The following COL23A1 variants were observed in gnomAD, a reference collection of about 807,000 sequenced individuals.
COL23A1 encodes collagen type XXIII alpha 1 chain.
COL23A1 carries 97 observed loss-of-function variants against 99.3 expected under a neutral mutation model. The ratio of observed to expected loss-of-function variants is 0.98; its 90% CI spans 0.83 to 1.16. COL23A1 has a LOEUF of 1.16. Among genes scored for constraint, COL23A1 ranks in the 50% most tolerant of loss-of-function variants. COL23A1 has a pLI of 0.00. For synonymous variants in COL23A1, 320 were observed against 308.2 expected, an observed-to-expected ratio of 1.04 and a Z score of -0.40; for missense variants, 762 against 757.4, an observed-to-expected ratio of 1.01 and a Z score of -0.07.
intron 2 of COL23A1, among the ~76,000 whole-genome samples, chr5:178,424,609 T>C (rs1033442147): frequency 6.6e-6 from 1 of 152,188 alleles, no homozygotes; most frequent in African/African-American, 2.4e-5. Flanking sequence ...ATAAGGGCAG[T>C]TGTAGTCATT....
intron 2 of COL23A1, among the ~76,000 whole-genome samples, chr5:178,497,845 A>T (rs1275318577): frequency 2.0e-5 from 3 of 152,162 alleles, no homozygotes; most frequent in African/African-American, 7.2e-5. Context: ...GTGGAAAATA[A>T]AAATGACATA....
chr5:178,271,699 G>A (rs1222646509), intron 5 of COL23A1, among the ~76,000 whole-genome samples: 1 of 152,268 alleles, frequency 6.6e-6, no homozygotes, highest in Non-Finnish European at 1.5e-5. Context: ...GCACTGCACA[G>A]TAGAAAGGGA....
At chr5:178,494,392 C>T (rs1299250039) in intron 2 of COL23A1, among the ~76,000 whole-genome samples, 2 of 152,212 alleles carry the variant, frequency 1.3e-5, no homozygotes, top group African/African-American at 2.4e-5. Context: ...ATGGGGGTTG[C>T]TCCCCACAGG....
intron 2 of COL23A1, among the ~76,000 whole-genome samples, chr5:178,459,684 C>T (rs1756008242): frequency 6.6e-6 from 1 of 152,160 alleles, no homozygotes; most frequent in Non-Finnish European, 1.5e-5. Context: ...ATCGCTTGAA[C>T]CCAGGAGTTG....
chr5:178,250,702 G>C, intron 17 of COL23A1, among the ~76,000 whole-genome samples: 1 of 136,802 alleles, frequency 7.3e-6, no homozygotes, highest in Non-Finnish European at 1.7e-5. Flanking sequence ...ATATGTTTTG[G>C]CTGGGCATGG....
chr5:178,420,081 A>C (rs1204146419), intron 2 of COL23A1, among the ~76,000 whole-genome samples: 1 of 152,168 alleles, frequency 6.6e-6, no homozygotes, highest in East Asian at 1.9e-4. Context: ...ACTTGCCTGA[A>C]GTTCTAACAC....
Position 178,306,977 on chromosome 5 carries a change from G to A in COL23A1, c.362-58C>T, listed in dbSNP as rs894072235. 2.2e-5 allele frequency: 28 copies of A among 1,301,420 alleles called. No individual in the cohort carries two copies. The South Asian group carries it at 3.3e-4, about 15-fold the overall frequency. The allele number at this position is 1,301,420 out of a possible 1,614,324, so 80.6% of individuals were successfully genotyped here. A position where few individuals can be genotyped will look rare whatever the true frequency, so the allele number is the denominator to read the frequency against. Reference sequence around the variant, plus strand: ...AAGGGAAGCCAGTGGACTTGGCTGCGTGGGGCATGCCCCAGCCACCCACCT... The same window carrying A: ...AAGGGAAGCCAGTGGACTTGGCTGCATGGGGCATGCCCCAGCCACCCACCT... On this transcript the variant is annotated intron_variant, in intron 2 of 28. Coordinates refer to ENST00000390654, the MANE Select transcript of COL23A1 (RefSeq NM_173465.4). The surrounding 1 kb of genome is among the most constrained non-coding windows in gnomAD (Gnocchi z 4.1).
chr5:178,497,137 C>A (rs771917618), intron 2 of COL23A1, among the ~76,000 whole-genome samples: 1 of 152,104 alleles, frequency 6.6e-6, no homozygotes, highest in Non-Finnish European at 1.5e-5. Flanking sequence ...AGTACTGCTA[C>A]CAAAAGAAGC....
In COL23A1 at chr5:178,589,436, CCTGT is replaced by C. The variant is rs1764157627; in HGVS notation, c.294+464_294+467del. 6.6e-6 allele frequency among the ~76,000 whole-genome samples: 1 copy of C among 152,158 alleles called. No homozygotes were observed. Reference sequence around the variant, plus strand: ...AGCACAGCGGGGCCCAGCCCTCGGGCCTGTCTGAGGCTTTCCTCCGCCGTGACCA... The same window carrying C: ...AGCACAGCGGGGCCCAGCCCTCGGGCCTGAGGCTTTCCTCCGCCGTGACCA... On this transcript the variant is annotated intron_variant, in intron 1 of 28. Transcript: ENST00000390654. The surrounding 1 kb of genome is among the most constrained non-coding windows in gnomAD (Gnocchi z 5.4).
At chr5:178,549,764 G>C (rs1300664521) in intron 2 of COL23A1, among the ~76,000 whole-genome samples, 5 of 152,108 alleles carry the variant, frequency 3.3e-5, no homozygotes, top group Non-Finnish European at 7.4e-5. Flanking sequence ...GCAGTGAGCC[G>C]AGATTGCACC....
chr5:178,425,377 G>A (rs574816178), intron 2 of COL23A1, among the ~76,000 whole-genome samples: 43 of 151,754 alleles, frequency 2.8e-4, no homozygotes, highest in Middle Eastern at 3.4e-3. Context: ...AGCCGAGATC[G>A]CGCCACTGCA....
chr5:178,473,134 A>C (rs1417861151), intron 2 of COL23A1, among the ~76,000 whole-genome samples: 1 of 152,022 alleles, frequency 6.6e-6, no homozygotes, highest in African/African-American at 2.4e-5. Context: ...CATCCCCCCA[A>C]AAAAAATCAT....
chr5:178,518,672 C>T (rs879389473), intron 2 of COL23A1, among the ~76,000 whole-genome samples: 1 of 119,106 alleles, frequency 8.4e-6, no homozygotes, highest in Admixed American at 7.6e-5. Context: ...GGCGGCCGGG[C>T]GGAGACGCTC....
rs1165619251 is a variant in COL23A1, at chr5:178,428,687, A to T, written c.362-121768T>A. Among the ~76,000 whole-genome samples the T allele has an allele frequency of 6.6e-6, 1 of 152,204 alleles. No individual in the cohort carries two copies. The highest frequency in any genetic ancestry group is 2.4e-5 in the African/African-American group (1 of 41,444). On this transcript the variant is annotated intron_variant, in intron 2 of 28. Coordinates refer to ENST00000390654, the MANE Select transcript of COL23A1 (RefSeq NM_173465.4). This position sits in a 1 kb window ranked among gnomAD's most constrained non-coding sequence, Gnocchi z 5.0. ...TGTGTGCTGGGGCTGGGCTGGGGAC[A>T]GGATGTTTTCTGCTTCTCCAGGACA...
Position 178,526,473 on chromosome 5 carries a change from C to A in COL23A1, c.361+34209G>T, listed in dbSNP as rs150741746. On this transcript the variant is annotated intron_variant, in intron 2 of 28. Transcript: ENST00000390654. The stretch of plus-strand genomic sequence containing the variant: ...TGTTTGCCTGAGAATGAGGCCAACA[C>A]ACAGGACTGCAGAACCCAGAGGCGA... 5.9e-3 allele frequency among the ~76,000 whole-genome samples: 895 copies of A among 152,298 alleles called. 10 individuals are homozygous for A. The highest frequency in any genetic ancestry group is 0.021 in the African/African-American group (854 of 41,554).
chr5:178,433,176 C>T (rs1465670315), intron 2 of COL23A1, among the ~76,000 whole-genome samples: 1 of 152,066 alleles, frequency 6.6e-6, no homozygotes, highest in African/African-American at 2.4e-5. Flanking sequence ...CCCAAGACTG[C>T]TCCCACCGCA....
intron 5 of COL23A1, among the ~76,000 whole-genome samples, chr5:178,274,101 T>C (rs1318701580): frequency 6.6e-6 from 1 of 152,244 alleles, no homozygotes; most frequent in African/African-American, 2.4e-5. Context: ...TGGGTTACAC[T>C]CTGCGGAACA....
rs1388608326 is a variant in COL23A1 at position 178,564,055 on chromosome 5, C to T, written c.295-3307G>A. Reference sequence around the variant, plus strand: ...ACAATTCACTTTTAACAACTGCTGTCACACTTGGGCTACTGCTATCACATC... The same window carrying T: ...ACAATTCACTTTTAACAACTGCTGTTACACTTGGGCTACTGCTATCACATC... On this transcript the variant is annotated intron_variant, in intron 1 of 28. Coordinates refer to ENST00000390654, the MANE Select transcript of COL23A1 (RefSeq NM_173465.4). Among the ~76,000 whole-genome samples the T allele has an allele frequency of 3.3e-5, 5 of 152,322 alleles. No homozygotes were observed. In the East Asian group the frequency reaches 9.6e-4, roughly 29 times the overall value.
At chr5:178,291,356 G>A (rs903355892) in intron 3 of COL23A1, among the ~76,000 whole-genome samples, 1 of 152,230 alleles carries the variant, frequency 6.6e-6, no homozygotes, top group African/African-American at 2.4e-5. Context: ...AATGTTGACT[G>A]AGCAGACAGA....
Sources: gnomAD v4.1 joint callset for allele counts (sites outside exome capture counted in the v4.1 genomes callset) on GRCh38, gnomAD v4.1.1 for gene constraint, Gnocchi (gnomAD v3.1) non-coding constraint, MANE v1.5 for transcripts, NCBI Gene and HGNC (gene_info 2026-07-23, HGNC 2026-07-21) for gene names.